TEC: variants seen among roughly 807,000 people sequenced by gnomAD.
The protein encoded by TEC is tec protein tyrosine kinase.
In TEC, 72 loss-of-function variants were observed where a neutral mutation model predicts 93.0. The observed-to-expected ratio is 0.77, with a 90% confidence interval of 0.64 to 0.94. The LOEUF is 0.94. Among genes scored for constraint, TEC ranks in the 40% least tolerant of loss-of-function variants. The pLI, the probability that TEC is intolerant of heterozygous loss-of-function variation, is 0.00. For missense variants in TEC, 630 were observed against 757.9 expected, an observed-to-expected ratio of 0.83 and a Z score of 1.98; for synonymous variants, 249 against 247.7, an observed-to-expected ratio of 1.01 and a Z score of -0.05.
intron 4 of TEC, among the ~76,000 whole-genome samples, 159 bp downstream of exon 4, chr4:48,171,209 C>T (rs1721097609): frequency 6.6e-6 from 1 of 152,166 alleles, no homozygotes; most frequent in Non-Finnish European, 1.5e-5. Context: ...CTTCAATATG[C>T]TGGTATAACT....
intron 2 of TEC, 71 bp downstream of exon 2, chr4:48,228,406 G>A: frequency 7.0e-7 from 1 of 1,433,710 alleles, no homozygotes; most frequent in Non-Finnish European, 9.2e-7. Flanking sequence ...AATAAGATTG[G>A]AGAGGCAGGC....
Position 48,176,094 on chromosome 4 carries a change from C to T in TEC, c.231G>A (p.Lys77=). ...NDDGVIPCQN[K]YPFQVVHDAN... ...TACACCAGCTCACCTGAAATGGATACTTATTTTGACAGGGAATGACACCAT... is the reference window on the plus strand; with the variant it reads ...TACACCAGCTCACCTGAAATGGATATTTATTTTGACAGGGAATGACACCAT... The change falls in exon 3 of 18, where the codon AAG becomes AAA. Residue 77 remains lysine (K), a synonymous_variant. Coordinates refer to ENST00000381501, the MANE Select transcript of TEC (RefSeq NM_003215.3). 2 of 1,613,582 alleles carry T rather than the reference C, an allele frequency of 1.2e-6. No individual in the cohort carries two copies. Among genetic ancestry groups the T allele is most frequent in the East Asian group, 2.2e-5 (1 of 44,874 alleles).
At chr4:48,266,802 C>T (rs1724647177) in intron 1 of TEC, among the ~76,000 whole-genome samples, 1 of 149,422 alleles carries the variant, frequency 6.7e-6, no homozygotes, top group Non-Finnish European at 1.5e-5. Flanking sequence ...CGTGCCATTG[C>T]ATTCCAGCCT....
At chr4:48,158,330 G>T (rs1720482764) in intron 8 of TEC, among the ~76,000 whole-genome samples, 1 of 152,222 alleles carries the variant, frequency 6.6e-6, no homozygotes. Context: ...GGAATCGGAG[G>T]TGTTGAACCA....
intron 12 of TEC, among the ~76,000 whole-genome samples, chr4:48,145,780 C>T (rs757498490): frequency 3.3e-5 from 5 of 152,156 alleles, no homozygotes; most frequent in African/African-American, 7.2e-5. Context: ...TTCTAACCAA[C>T]GTGAAATGAA....
chr4:48,144,622 A>G (rs1189643060), intron 14 of TEC, among the ~76,000 whole-genome samples: 1 of 152,190 alleles, frequency 6.6e-6, no homozygotes, highest in African/African-American at 2.4e-5. Context: ...GATTTGAGAG[A>G]TTTTTTAAAA....
chr4:48,218,922 T>C (rs547275662), intron 2 of TEC, among the ~76,000 whole-genome samples: 32 of 152,144 alleles, frequency 2.1e-4, no homozygotes, highest in Non-Finnish European at 3.5e-4. Flanking sequence ...TCAATTTTGG[T>C]ACAACCAGAT....
intron 3 of TEC, among the ~76,000 whole-genome samples, chr4:48,173,462 C>T (rs954183046): frequency 6.6e-6 from 1 of 152,032 alleles, no homozygotes; most frequent in Admixed American, 6.5e-5. Flanking sequence ...GGGCCAGTAT[C>T]TCCCTGAGCA....
intron 1 of TEC, among the ~76,000 whole-genome samples, chr4:48,268,970 C>T (rs1049573826): frequency 6.6e-6 from 1 of 152,160 alleles, no homozygotes; most frequent in Non-Finnish European, 1.5e-5. Flanking sequence ...ATAAAATCCA[C>T]AAGAAATTTA....
chr4:48,259,707 C>A (rs1385186548), intron 1 of TEC, among the ~76,000 whole-genome samples: 4 of 121,686 alleles, frequency 3.3e-5, no homozygotes, highest in Non-Finnish European at 7.1e-5. Flanking sequence ...CAAAGTGAGA[C>A]TTTGTCTCAA....
intron 1 of TEC, among the ~76,000 whole-genome samples, chr4:48,239,759 C>CA (rs964495935): frequency 2.0e-5 from 3 of 149,302 alleles, no homozygotes; most frequent in Non-Finnish European, 4.5e-5. Context: ...CTTTCCTTAA[C>CA]AAAAAAAAAT....
intron 2 of TEC, among the ~76,000 whole-genome samples, chr4:48,225,285 T>C (rs528220259): frequency 3.9e-5 from 6 of 152,070 alleles, no homozygotes; most frequent in African/African-American, 1.2e-4. Flanking sequence ...AGCAATTCTC[T>C]TGCCTCAGCC....
chr4:48,269,161 A>G (rs1724716517), intron 1 of TEC, among the ~76,000 whole-genome samples: 1 of 152,204 alleles, frequency 6.6e-6, no homozygotes, highest in Non-Finnish European at 1.5e-5. Flanking sequence ...GTCACGTGCA[A>G]CTGCGGAACA....
chr4:48,154,907 C>T (rs560132703), intron 9 of TEC, among the ~76,000 whole-genome samples: 135 of 152,264 alleles, frequency 8.9e-4, no homozygotes, highest in African/African-American at 3.2e-3. Context: ...TCTGCAGAAA[C>T]TTAAAAAGCT....
intron 2 of TEC, among the ~76,000 whole-genome samples, chr4:48,201,952 ATT>A (rs780630248): frequency 9.3e-4 from 108 of 116,506 alleles, no homozygotes; most frequent in African/African-American, 2.2e-3. Context: ...ACTGTGGCTT[ATT>A]TTTTTTTTTT....
At chr4:48,154,829 G>A (rs2109522542) in intron 9 of TEC, among the ~76,000 whole-genome samples, 1 of 152,256 alleles carries the variant, frequency 6.6e-6, no homozygotes, top group Non-Finnish European at 1.5e-5. Context: ...AAGGTTGTGT[G>A]GACTAAAAGA....
chr4:48,186,544 G>A (rs998934838), intron 2 of TEC, among the ~76,000 whole-genome samples: 6 of 149,602 alleles, frequency 4.0e-5, no homozygotes, highest in South Asian at 2.1e-4. Context: ...CTGCCGGACC[G>A]CCACCCTGTC....
At chr4:48,205,200 A>C (rs1722663632) in intron 2 of TEC, among the ~76,000 whole-genome samples, 1 of 152,184 alleles carries the variant, frequency 6.6e-6, no homozygotes, top group Admixed American at 6.5e-5. Flanking sequence ...CTTTAGACTA[A>C]CATGTGAATG....
chr4:48,212,110 A>AATATATAT (rs1553892127), intron 2 of TEC, among the ~76,000 whole-genome samples: 43 of 122,228 alleles, frequency 3.5e-4, no homozygotes, highest in Non-Finnish European at 5.4e-4. Context: ...AAAAAAAAAA[A>AATATATAT]ATATATATAT....
Sources: allele counts gnomAD v4.1 joint callset (sites outside exome capture counted in the v4.1 genomes callset), GRCh38; gene constraint gnomAD v4.1.1; transcripts MANE v1.5; gene names NCBI Gene and HGNC (gene_info 2026-07-23, HGNC 2026-07-21).